Variants in PTPRO observed in about 807,000 individuals in gnomAD.
PTPRO encodes the protein receptor-type tyrosine-protein phosphatase O.
PTPRO carries 62 observed loss-of-function variants against 145.2 expected under a neutral mutation model. That is an observed-to-expected ratio of 0.43 (90% CI 0.35 to 0.53). PTPRO has a LOEUF of 0.53. Ranked by LOEUF, PTPRO falls within the 20% of genes least tolerant of loss-of-function variation. PTPRO has a pLI of 0.01. For synonymous variants in PTPRO, 565 were observed against 514.7 expected, an observed-to-expected ratio of 1.10 and a Z score of -1.32; for missense variants, 1,345 against 1,482.7, an observed-to-expected ratio of 0.91 and a Z score of 1.53.
chr12:15,445,555 A>T (rs1940880196), intron 1 of PTPRO, among the ~76,000 whole-genome samples: 2 of 152,272 alleles, frequency 1.3e-5, no homozygotes, highest in South Asian at 4.1e-4. Context: ...GTTGAGTGTC[A>T]TCAATTTCAT....
At position 15,540,033 on chromosome 12, in the gene PTPRO, A is replaced by G. The variant is rs140073314; in HGVS notation, c.2165-6536A>G. 4.2e-3 allele frequency among the ~76,000 whole-genome samples: 640 copies of G among 152,226 alleles called. 5 individuals are homozygous for G. The highest frequency in any genetic ancestry group is 0.015 in the African/African-American group (613 of 41,554). Reference sequence around the variant, plus strand: ...CAAGGTCTAATAAACTTCAGGTCTAACAAAGACTTCTGCTGTTTAATGTAA... The same window carrying G: ...CAAGGTCTAATAAACTTCAGGTCTAGCAAAGACTTCTGCTGTTTAATGTAA... On this transcript the variant is annotated intron_variant, in intron 12 of 26. Coordinates refer to ENST00000281171, the MANE Select transcript of PTPRO (RefSeq NM_030667.3).
intron 1 of PTPRO, among the ~76,000 whole-genome samples, chr12:15,430,875 G>T (rs956748174): frequency 1.4e-4 from 21 of 152,152 alleles, no homozygotes; most frequent in African/African-American, 4.1e-4. Flanking sequence ...ATGAATGAAT[G>T]AATTAAAATA....
At chr12:15,503,030 A>G (rs1262191406) in intron 5 of PTPRO, among the ~76,000 whole-genome samples, 1 of 152,160 alleles carries the variant, frequency 6.6e-6, no homozygotes, top group African/African-American at 2.4e-5. Context: ...ACAGCATTCA[A>G]CCATACCCAA....
intron 24 of PTPRO, 48 bp downstream of exon 24, chr12:15,587,099 G>T (rs1192690640): frequency 1.2e-6 from 2 of 1,604,218 alleles, no homozygotes; most frequent in Non-Finnish European, 1.7e-6. Context: ...AGTTGGTTTT[G>T]TAAGGGGAAC....
intron 1 of PTPRO, among the ~76,000 whole-genome samples, chr12:15,422,825 C>T (rs1404481884): frequency 1.2e-4 from 19 of 152,122 alleles, no homozygotes; most frequent in Admixed American, 1.2e-3. Flanking sequence ...AAGCACAAAG[C>T]ACTGAGTACT....
At chr12:15,569,050 A>T (rs1446202393) in intron 18 of PTPRO, among the ~76,000 whole-genome samples, 1 of 152,124 alleles carries the variant, frequency 6.6e-6, no homozygotes, top group Admixed American at 6.5e-5. Context: ...CAAAACCATA[A>T]CTCAAACAGG....
chr12:15,444,821 TTA>T (rs1940860482), intron 1 of PTPRO, among the ~76,000 whole-genome samples: 2 of 152,128 alleles, frequency 1.3e-5, no homozygotes, highest in South Asian at 4.1e-4. Flanking sequence ...TTTCTGTTGT[TTA>T]TAAGCTATCT....
At chr12:15,539,874 G>T (rs189142251) in intron 12 of PTPRO, among the ~76,000 whole-genome samples, 28 of 149,244 alleles carry the variant, frequency 1.9e-4, no homozygotes, top group African/African-American at 4.7e-4. Context: ...TAGGAAAAAG[G>T]CCTCATAATT....
At chr12:15,499,325 C>G (rs1406711453) in intron 3 of PTPRO, 117 bp from the exon 4 acceptor site, 2 of 1,018,886 alleles carry the variant, frequency 2.0e-6, no homozygotes, top group East Asian at 2.5e-5. Context: ...CTGCCCATAA[C>G]AGTAGTTGAA....
At chr12:15,475,457 A>G (rs562089476) in intron 1 of PTPRO, among the ~76,000 whole-genome samples, 1 of 152,304 alleles carries the variant, frequency 6.6e-6, no homozygotes, top group African/African-American at 2.4e-5. Context: ...TAAAAATGCA[A>G]CTTTCAGATA....
intron 1 of PTPRO, among the ~76,000 whole-genome samples, chr12:15,414,459 T>C (rs1335014674): frequency 6.6e-6 from 1 of 152,166 alleles, no homozygotes; most frequent in Admixed American, 6.5e-5. Context: ...ACTAAACGTC[T>C]TTTTTTCTTT....
chr12:15,461,548 C>T (rs2136397107), intron 1 of PTPRO, among the ~76,000 whole-genome samples: 1 of 147,280 alleles, frequency 6.8e-6, no homozygotes, highest in South Asian at 2.2e-4. Flanking sequence ...AGTCCAAGTC[C>T]TTCATTTATT....
At chr12:15,512,777 T>C (rs1214270577) in intron 7 of PTPRO, among the ~76,000 whole-genome samples, 3 of 152,118 alleles carry the variant, frequency 2.0e-5, no homozygotes, top group Non-Finnish European at 4.4e-5. Context: ...GAGAGGCACT[T>C]GAGGCCAGGA....
At chr12:15,553,161 T>C (rs796138276) in intron 15 of PTPRO, among the ~76,000 whole-genome samples, 14 of 152,228 alleles carry the variant, frequency 9.2e-5, no homozygotes, top group African/African-American at 3.4e-4. Flanking sequence ...TGAAACTTCA[T>C]GCGTTCATAT....
intron 1 of PTPRO, among the ~76,000 whole-genome samples, chr12:15,454,104 T>C (rs941848994): frequency 6.6e-6 from 1 of 152,180 alleles, no homozygotes; most frequent in Non-Finnish European, 1.5e-5. Context: ...AGAAATAAGA[T>C]TGCTGGATCA....
intron 1 of PTPRO, among the ~76,000 whole-genome samples, chr12:15,399,943 C>A (rs1939443114): frequency 6.8e-6 from 1 of 148,142 alleles, no homozygotes; most frequent in Non-Finnish European, 1.5e-5. Context: ...CCCAGTTACT[C>A]AGGAGGCTGA....
chr12:15,551,749 AC>A, intron 15 of PTPRO, 78 bp downstream of exon 15: 3 of 1,498,576 alleles, frequency 2.0e-6, no homozygotes, highest in Non-Finnish European at 2.8e-6. Context: ...GTTTTTGCAC[AC>A]CTAAGTTGTA....
intron 1 of PTPRO, among the ~76,000 whole-genome samples, chr12:15,363,885 A>G (rs1002276036): frequency 4.6e-5 from 7 of 152,186 alleles, no homozygotes; most frequent in Non-Finnish European, 2.9e-5. Context: ...AGTTTCTGTT[A>G]TTATAGAATT....
chr12:15,336,537 G>T (rs550249748), intron 1 of PTPRO, among the ~76,000 whole-genome samples: 1 of 152,280 alleles, frequency 6.6e-6, no homozygotes, highest in South Asian at 2.1e-4. Flanking sequence ...CAAAACTTCA[G>T]AGGCTATATT....
Sources: allele counts gnomAD v4.1 joint callset (sites outside exome capture counted in the v4.1 genomes callset), GRCh38; gene constraint gnomAD v4.1.1; transcripts MANE v1.5; gene names NCBI Gene and HGNC (gene_info 2026-07-23, HGNC 2026-07-21).